The following KCNIP1 variants were observed in gnomAD, a reference collection of about 807,000 sequenced individuals.
KCNIP1 encodes the protein A-type potassium channel modulatory protein KCNIP1.
In KCNIP1, 18 loss-of-function variants were observed where a neutral mutation model predicts 33.0. That is an observed-to-expected ratio of 0.55 (90% confidence interval 0.38 to 0.81). The LOEUF is 0.81. Among genes scored for constraint, KCNIP1 ranks in the 30% least tolerant of loss-of-function variants. The pLI is 0.00. For missense variants in KCNIP1, 238 were observed against 271.6 expected (o/e 0.88, Z 0.87); for synonymous variants, 93 against 98.3 (o/e 0.95, Z 0.32).
intron 1 of KCNIP1, among the ~76,000 whole-genome samples, chr5:170,717,564 A>T (rs1763680755): frequency 6.6e-6 from 1 of 152,248 alleles, no homozygotes; most frequent in South Asian, 2.1e-4. Flanking sequence ...GGGGATATGT[A>T]CAAGATACAA....
chr5:170,453,045 C>G (rs1197720202), intron 1 of KCNIP1, among the ~76,000 whole-genome samples: 1 of 152,200 alleles, frequency 6.6e-6, no homozygotes, highest in Non-Finnish European at 1.5e-5. Context: ...TGTGCTAGCA[C>G]TTTGGCAGTT....
At chr5:170,479,027 A>G (rs746193826) in intron 1 of KCNIP1, among the ~76,000 whole-genome samples, 1 of 152,232 alleles carries the variant, frequency 6.6e-6, no homozygotes, top group African/African-American at 2.4e-5. Context: ...GCATCAAAGC[A>G]GAGAAATCCA....
intron 1 of KCNIP1, among the ~76,000 whole-genome samples, chr5:170,617,219 G>A (rs1251011555): frequency 4.6e-5 from 7 of 152,132 alleles, no homozygotes; most frequent in Admixed American, 4.6e-4. Context: ...TCCCTGCAAA[G>A]CGTCAGCACT....
intron 1 of KCNIP1, among the ~76,000 whole-genome samples, chr5:170,686,607 C>G (rs953852565): frequency 1.3e-5 from 2 of 152,218 alleles, no homozygotes; most frequent in Non-Finnish European, 2.9e-5. Flanking sequence ...GTGGCCAAAG[C>G]ACCATCCCCA....
intron 1 of KCNIP1, chr5:170,382,612 T>A (rs1764286839): frequency 6.6e-6 from 1 of 151,842 alleles, no homozygotes; most frequent in South Asian, 2.1e-4. Context: ...ATGCCTTGCA[T>A]CCTGCGCCTG....
intron 1 of KCNIP1, among the ~76,000 whole-genome samples, chr5:170,387,945 C>A (rs1340571222): frequency 4.6e-5 from 7 of 152,224 alleles, no homozygotes; most frequent in Admixed American, 4.6e-4. Flanking sequence ...GTGCCCACAA[C>A]AAAGCCATTT....
chr5:170,673,038 C>T lies in KCNIP1; in HGVS notation c.62-45720C>T, dbSNP rs1761983464. Among the ~76,000 whole-genome samples, 3 of 152,200 alleles carry T rather than the reference C, an allele frequency of 2.0e-5. No individual in the cohort carries two copies. In the South Asian group the frequency reaches 6.2e-4, roughly 31 times the overall value. On this transcript the variant is annotated intron_variant, in intron 1 of 7. Coordinates refer to ENST00000328939, the MANE Select transcript of KCNIP1 (RefSeq NM_014592.4). ...CTGGACTATCTATTATAGCAGGTCC[C>T]CAGGCAACTGATATCTTGACAACAT...
chr5:170,698,173 G>A (rs1762964834), intron 1 of KCNIP1, among the ~76,000 whole-genome samples: 1 of 152,020 alleles, frequency 6.6e-6, no homozygotes, highest in Non-Finnish European at 1.5e-5. Context: ...CGGGTACCCG[G>A]GTATCACAGG....
chr5:170,451,783 G>T (rs923857504), intron 1 of KCNIP1, among the ~76,000 whole-genome samples: 2 of 146,890 alleles, frequency 1.4e-5, no homozygotes, highest in African/African-American at 5.1e-5. Flanking sequence ...GCAGGGGGAA[G>T]ATGCAAGCTT....
intron 1 of KCNIP1, among the ~76,000 whole-genome samples, chr5:170,399,267 A>G (rs77603856): frequency 0.011 from 1,667 of 152,336 alleles, 30 homozygotes; most frequent in African/African-American, 0.039. Context: ...GTATGGCCAT[A>G]AATATTACAT....
chr5:170,657,696 T>C (rs1291474581), intron 1 of KCNIP1, among the ~76,000 whole-genome samples: 4 of 152,190 alleles, frequency 2.6e-5, no homozygotes, highest in African/African-American at 9.7e-5. Flanking sequence ...GAGACAGACT[T>C]TGGCGCTAGT....
intron 1 of KCNIP1, among the ~76,000 whole-genome samples, chr5:170,553,819 G>A (rs1756744405): frequency 6.6e-6 from 1 of 152,360 alleles, no homozygotes; most frequent in East Asian, 1.9e-4. Flanking sequence ...TGGTACAGAG[G>A]AAGTCCTCAG....
intron 1 of KCNIP1, among the ~76,000 whole-genome samples, chr5:170,596,747 A>T (rs577998649): frequency 1.3e-5 from 2 of 152,334 alleles, no homozygotes; most frequent in East Asian, 1.9e-4. Context: ...CTGGGAGGCC[A>T]GAGCTGGAGC....
At chr5:170,418,944 C>T (rs1004951049) in intron 1 of KCNIP1, among the ~76,000 whole-genome samples, 8 of 152,212 alleles carry the variant, frequency 5.3e-5, no homozygotes, top group Admixed American at 1.3e-4. Context: ...TCATTTTTCA[C>T]GTGCCATTTG....
chr5:170,474,637 T>C (rs1021148216), intron 1 of KCNIP1, among the ~76,000 whole-genome samples: 1 of 152,200 alleles, frequency 6.6e-6, no homozygotes, highest in South Asian at 2.1e-4. Context: ...TTCAGTGGTA[T>C]TACTTGCATT....
chr5:170,692,561 A>G (rs1445712655), intron 1 of KCNIP1, among the ~76,000 whole-genome samples: 1 of 152,230 alleles, frequency 6.6e-6, no homozygotes, highest in African/African-American at 2.4e-5. Context: ...CAGTTCATGC[A>G]CTTACTCCCT....
intron 1 of KCNIP1, among the ~76,000 whole-genome samples, chr5:170,664,375 G>A (rs537627118): frequency 2.0e-5 from 3 of 152,158 alleles, no homozygotes; most frequent in African/African-American, 7.2e-5. Flanking sequence ...CTCCTCCCTA[G>A]CATTTCCCTC....
chr5:170,404,147 C>G (rs1474887338), intron 1 of KCNIP1, among the ~76,000 whole-genome samples: 2 of 152,062 alleles, frequency 1.3e-5, no homozygotes, highest in East Asian at 3.9e-4. Context: ...TTAGAACTCT[C>G]CAGAGAGGAA....
chr5:170,433,352 A>T (rs1755787046), intron 1 of KCNIP1, among the ~76,000 whole-genome samples: 1 of 151,840 alleles, frequency 6.6e-6, no homozygotes, highest in African/African-American at 2.4e-5. Context: ...ACACCTGGCT[A>T]ATTATTCTAT....
Sources: allele counts gnomAD v4.1 joint callset (sites outside exome capture counted in the v4.1 genomes callset), GRCh38; gene constraint gnomAD v4.1.1; transcripts MANE v1.5; gene names NCBI Gene and HGNC (gene_info 2026-07-23, HGNC 2026-07-21).